HSPA4L: variants seen among roughly 807,000 people sequenced by gnomAD.
HSPA4L encodes the protein heat shock protein family A (Hsp70) member 4 like.
HSPA4L carries 48 observed loss-of-function variants against 100.3 expected under a neutral mutation model. The observed-to-expected ratio is 0.48, with a 90% CI of 0.38 to 0.61. The LOEUF is 0.61. HSPA4L is among the 20% of genes least tolerant of loss of function. The pLI is 0.00. For missense variants in HSPA4L, 886 were observed against 988.6 expected, an observed-to-expected ratio of 0.90 and a Z score of 1.39; for synonymous variants, 319 against 328.2, an observed-to-expected ratio of 0.97 and a Z score of 0.30.
chr4:127,821,290 A>C (rs1733806959), intron 14 of HSPA4L, among the ~76,000 whole-genome samples: 1 of 152,094 alleles, frequency 6.6e-6, no homozygotes, highest in South Asian at 2.1e-4. Context: ...CTTGAGAAAA[A>C]TTTTCCCAAA....
chr4:127,792,270 A>G (rs1303118238), intron 1 of HSPA4L, among the ~76,000 whole-genome samples: 1 of 152,168 alleles, frequency 6.6e-6, no homozygotes, highest in Non-Finnish European at 1.5e-5. Context: ...TATCTTATCA[A>G]ATTGTCCTAT....
intron 16 of HSPA4L, among the ~76,000 whole-genome samples, chr4:127,826,948 A>G (rs1733964128): frequency 6.6e-6 from 1 of 152,176 alleles, no homozygotes; most frequent in South Asian, 2.1e-4. Flanking sequence ...ATTTGATACC[A>G]AGTTTCAAAT....
chr4:127,793,569 A>G (rs1466084421), intron 1 of HSPA4L, among the ~76,000 whole-genome samples: 3 of 152,218 alleles, frequency 2.0e-5, no homozygotes, highest in African/African-American at 7.2e-5. Context: ...AAGAATTTAC[A>G]TAATGTTTAC....
At chr4:127,811,931 A>G (rs929660712) in intron 12 of HSPA4L, among the ~76,000 whole-genome samples, 1 of 152,206 alleles carries the variant, frequency 6.6e-6, no homozygotes, top group African/African-American at 2.4e-5. Context: ...TTCCATTAAA[A>G]CATGTATTTT....
In HSPA4L at chr4:127,809,440, T is replaced by C; in HGVS notation, c.1378+1311T>C. ...ACTCAAGACTCTGCATTTGGGAACCTGATTCTTCCTGTTTTACCTCGCCTT... is the reference window on the plus strand; with the variant it reads ...ACTCAAGACTCTGCATTTGGGAACCCGATTCTTCCTGTTTTACCTCGCCTT... On this transcript the variant is annotated intron_variant, in intron 11 of 18. Coordinates refer to ENST00000296464, the MANE Select transcript of HSPA4L (RefSeq NM_014278.4). 1.6e-5 allele frequency: 20 copies of C among 1,214,564 alleles called. No homozygotes were observed. In the South Asian group the frequency reaches 2.4e-4, roughly 15 times the overall value. 75.2% of individuals were successfully genotyped at this position (1,214,564 alleles called of 1,614,324 possible).
Position 127,799,722 on chromosome 4 carries a change from G to A in HSPA4L, c.429+1013G>A, listed in dbSNP as rs369644284. 5.9e-5 allele frequency among the ~76,000 whole-genome samples: 9 copies of A among 152,088 alleles called. No homozygotes were observed. In the East Asian group the frequency reaches 1.4e-3, roughly 23 times the overall value. On this transcript the variant is annotated intron_variant, in intron 4 of 18. Transcript: ENST00000296464. Reference sequence around the variant, plus strand: ...TCAGAACAGAGTAATACAAACTTTTGACCATTATTAACTTTGTGGTTGGTG... The same window carrying A: ...TCAGAACAGAGTAATACAAACTTTTAACCATTATTAACTTTGTGGTTGGTG...
At chr4:127,804,946 G>T in intron 8 of HSPA4L, 127 bp from the exon 9 acceptor site, 2 of 588,074 alleles carry the variant, frequency 3.4e-6, no homozygotes, top group South Asian at 2.7e-5. Flanking sequence ...TCTAAAAATT[G>T]TATTTTTCTT....
upstream of HSPA4L, chr4:127,782,040 G>A (rs1365938313): frequency 2.2e-6 from 1 of 454,790 alleles, no homozygotes; most frequent in African/African-American, 2.0e-5. Context: ...TCCTACTGCC[G>A]AGCGAGGGCG....
intron 3 of HSPA4L, among the ~76,000 whole-genome samples, chr4:127,796,940 ACTT>A (rs1366345204): frequency 6.6e-6 from 1 of 152,184 alleles, no homozygotes; most frequent in Non-Finnish European, 1.5e-5. Flanking sequence ...AGAAGGATAA[ACTT>A]AATGCTGTGC....
chr4:127,787,757 C>G (rs972444664), intron 1 of HSPA4L, among the ~76,000 whole-genome samples: 1 of 151,734 alleles, frequency 6.6e-6, no homozygotes, highest in African/African-American at 2.4e-5. Flanking sequence ...TCAGTGAATA[C>G]CTTTGCTTTT....
intron 16 of HSPA4L, among the ~76,000 whole-genome samples, chr4:127,824,540 G>C (rs1361714085): frequency 6.6e-6 from 1 of 152,164 alleles, no homozygotes; most frequent in African/African-American, 2.4e-5. Flanking sequence ...GATGATCAGA[G>C]TGTTACTTTT....
At chr4:127,796,512 ACATGAATGTT>A (rs1000489175) in intron 3 of HSPA4L, among the ~76,000 whole-genome samples, 7 of 152,302 alleles carry the variant, frequency 4.6e-5, no homozygotes, top group African/African-American at 1.7e-4. Flanking sequence ...AAAAACTTGT[ACATGAATGTT>A]CATAAAAGCA....
rs556534799 is a variant in HSPA4L, at chr4:127,839,948, A to T, written c.*7074A>T. 17 of 152,078 alleles carry T rather than the reference A, an allele frequency of 1.1e-4. No homozygotes were observed. Among genetic ancestry groups the T allele is most frequent in the Non-Finnish European group, 2.5e-4 (17 of 68,014 alleles). The allele number at this position is 152,078 out of a possible 1,614,324, so 9.4% of individuals were successfully genotyped here. A position where few individuals can be genotyped will look rare whatever the true frequency, so the allele number is the denominator to read the frequency against. On this transcript the variant is annotated 3_prime_UTR_variant, in exon 19 of 19. Transcript: ENST00000296464. The stretch of plus-strand genomic sequence containing the variant: ...TCCAGGTCATCTTTTCTTTTCTCCA[A>T]CCATTATTAAAATAACTTGACACTT...
intron 4 of HSPA4L, among the ~76,000 whole-genome samples, chr4:127,800,169 G>T (rs1409498770): frequency 6.6e-6 from 1 of 152,154 alleles, no homozygotes; most frequent in Non-Finnish European, 1.5e-5. Context: ...TAGAGATGTA[G>T]TTAATGGGCT....
At chr4:127,810,433 G>A (rs1316784823) in intron 11 of HSPA4L, among the ~76,000 whole-genome samples, 1 of 152,088 alleles carries the variant, frequency 6.6e-6, no homozygotes. Flanking sequence ...CTCATTTCTG[G>A]AGGTTAGAAG....
chr4:127,816,247 AG>A (rs1733667387), intron 12 of HSPA4L, among the ~76,000 whole-genome samples: 1 of 152,204 alleles, frequency 6.6e-6, no homozygotes, highest in Admixed American at 6.5e-5. Flanking sequence ...AAAATCTATC[AG>A]TGAAGTCAGA....
At position 127,832,675 on chromosome 4, in the gene HSPA4L, G is replaced by A. The variant is rs1275160852; in HGVS notation, c.2329-8G>A. 4.5e-6 allele frequency: 7 copies of A among 1,571,484 alleles called. No homozygotes were observed. Among genetic ancestry groups the A allele is most frequent in the Non-Finnish European group, 6.0e-6 (7 of 1,160,082 alleles). ...GTTTTAATATAATCAATTTCTTCAT[G>A]TCTTTAGGAACTGGATAATTTCTGT... On this transcript the variant is annotated splice_polypyrimidine_tract_variant and splice_region_variant and intron_variant, in intron 18 of 18. Coordinates refer to ENST00000296464, the MANE Select transcript of HSPA4L (RefSeq NM_014278.4).
At chr4:127,807,287 G>A (rs956045022) in intron 10 of HSPA4L, among the ~76,000 whole-genome samples, 1 of 151,872 alleles carries the variant, frequency 6.6e-6, no homozygotes, top group Non-Finnish European at 1.5e-5. Flanking sequence ...AATAGGAATT[G>A]CTATGTAGGT....
chr4:127,798,706 T>A lies in HSPA4L; in HGVS notation c.426T>A (p.Ile142=), dbSNP rs1733091939. 3.7e-6 allele frequency: 6 copies of A among 1,613,236 alleles called. No homozygotes were observed. Among genetic ancestry groups the A allele is most frequent in the South Asian group, 1.1e-5 (1 of 91,042 alleles). ...ALKKPVADCV[I]SIPSFFTDAE... Reference sequence around the variant, plus strand: ...AGAAACCAGTGGCTGACTGTGTGATTTCAGTAAGTTTTACTTCAGTAATGA... The same window carrying A: ...AGAAACCAGTGGCTGACTGTGTGATATCAGTAAGTTTTACTTCAGTAATGA... The change falls in exon 4 of 19, where the codon ATT becomes ATA. Residue 142 remains isoleucine (I), a synonymous_variant. Coordinates refer to ENST00000296464, the MANE Select transcript of HSPA4L (RefSeq NM_014278.4).
Sources: allele counts gnomAD v4.1 joint callset (sites outside exome capture counted in the v4.1 genomes callset), GRCh38; gene constraint gnomAD v4.1.1; transcripts MANE v1.5; gene names NCBI Gene and HGNC (gene_info 2026-07-23, HGNC 2026-07-21).